Variants in CKM observed in about 807,000 individuals in gnomAD.
The protein encoded by CKM is creatine kinase, M-type.
A neutral mutation model predicts 35.4 loss-of-function variants in CKM; 28 were observed. The ratio of observed to expected loss-of-function variants is 0.79; its 90% CI spans 0.59 to 1.08. CKM has a LOEUF of 1.08. Ranked by LOEUF, CKM falls within the 50% of genes least tolerant of loss-of-function variation. The probability of loss-of-function intolerance (pLI) is 0.00; values close to 1 mark genes in which losing one functional copy is unlikely to be tolerated. For synonymous variants in CKM, 215 were observed against 204.4 expected, an observed-to-expected ratio of 1.05 and a Z score of -0.44; for missense variants, 484 against 509.8, an observed-to-expected ratio of 0.95 and a Z score of 0.49.
At position 45,308,402 on chromosome 19, in the gene CKM, C is replaced by G. The variant is rs980554996; in HGVS notation, c.777+7G>C. ...TCAGAAGTCAGCAGCTAAGGGCAGA[C>G]ACCCACCTTCTGCAGCCCTACGCAG... On this transcript the variant is annotated splice_region_variant and intron_variant, in intron 6 of 7. Coordinates refer to ENST00000221476, the MANE Select transcript of CKM (RefSeq NM_001824.5). The G allele has an allele frequency of 6.2e-7, 1 of 1,614,106 alleles. No homozygotes were observed. Among genetic ancestry groups the G allele is most frequent in the African/African-American group, 1.3e-5 (1 of 75,036 alleles).
rs1021553450 is a variant in CKM, at chr19:45,314,459, G to A, written c.481+1006C>T. On this transcript the variant is annotated intron_variant, in intron 4 of 7. Coordinates refer to ENST00000221476, the MANE Select transcript of CKM (RefSeq NM_001824.5). ...GATGGAGTCACACTCTGTCCCCCAG[G>A]CTGGAGTGCAGTGGCGTGATCTCAG... Among the ~76,000 whole-genome samples, 3 of 152,138 alleles carry A rather than the reference G, an allele frequency of 2.0e-5. No individual in the cohort carries two copies. In the East Asian group the frequency reaches 5.8e-4, roughly 29 times the overall value.
chr19:45,320,907 A>C (rs1248279994), intron 1 of CKM, among the ~76,000 whole-genome samples: 1 of 151,404 alleles, frequency 6.6e-6, no homozygotes, highest in Non-Finnish European at 1.5e-5. Context: ...TATTATTATT[A>C]TTATTATGTT....
At chr19:45,313,250 G>A (rs1454091770) in intron 4 of CKM, among the ~76,000 whole-genome samples, 1 of 152,106 alleles carries the variant, frequency 6.6e-6, no homozygotes, top group South Asian at 2.1e-4. Flanking sequence ...TCACAGTACT[G>A]CAGACTTTCT....
Position 45,315,504 on chromosome 19 carries a change from G to C in CKM, c.442C>G (p.Arg148Gly). Reference sequence around the variant, plus strand: ...TTCTCCACCGCCCGGCGCTCGCCACGGGAGCAGTGTGGGGGCAACGTGTAG... The same window carrying C: ...TTCTCCACCGCCCGGCGCTCGCCACCGGAGCAGTGTGGGGGCAACGTGTAG... Reference protein sequence around the residue: ...KGYTLPPHCSRGERRAVEKLS... With the variant: ...KGYTLPPHCSGGERRAVEKLS... Residue 148 changes from arginine (R) to glycine (G), a missense_variant, in exon 4 of 8, where the codon CGT (arginine) becomes GGT (glycine). Transcript: ENST00000221476. 6.2e-7 allele frequency: 1 copy of C among 1,600,392 alleles called. No homozygotes were observed. The highest frequency in any genetic ancestry group is 8.5e-7 in the Non-Finnish European group (1 of 1,179,874).
At chr19:45,307,777 G>A in intron 6 of CKM, 127 bp from the exon 7 acceptor site, 1 of 728,806 alleles carries the variant, frequency 1.4e-6, no homozygotes, top group Non-Finnish European at 2.3e-6. Flanking sequence ...AGGGGAACAG[G>A]GAGGTAGGAG....
Position 45,308,177 on chromosome 19 carries a change from C to A in CKM, c.777+232G>T, listed in dbSNP as rs548004291. On this transcript the variant is annotated intron_variant, in intron 6 of 7. Transcript: ENST00000221476. Reference sequence around the variant, plus strand: ...CTCCCGGCCTGAAGGCGGATCCTTACGGGCGGGGCTTGGGCATAGGGTGGA... The same window carrying A: ...CTCCCGGCCTGAAGGCGGATCCTTAAGGGCGGGGCTTGGGCATAGGGTGGA... Among the ~76,000 whole-genome samples the A allele has an allele frequency of 7.6e-5, 10 of 132,262 alleles. No homozygotes were observed. The South Asian group carries it at 2.5e-3, about 33-fold the overall frequency. 86.8% of individuals were successfully genotyped at this position (132,262 alleles called of 152,430 possible).
rs1568508454 is a variant in CKM, at chr19:45,306,814, A to G, written c.1082T>C (p.Val361Ala). 3.7e-6 allele frequency: 6 copies of G among 1,614,132 alleles called. No homozygotes were observed. The highest frequency in any genetic ancestry group is 5.1e-6 in the Non-Finnish European group (6 of 1,180,014). ...QLVVDGVKLM[V>A]EMEKKLEKGQ... Reference sequence around the variant, plus strand: ...TTTCTCCAACTTCTTCTCCATTTCCACCATGAGCTTCACACCATCCACCAC... The same window carrying G: ...TTTCTCCAACTTCTTCTCCATTTCCGCCATGAGCTTCACACCATCCACCAC... The change falls in exon 8 of 8, where the codon GTG becomes GCG. Residue 361 changes from valine (V) to alanine (A), a missense_variant. Val to Ala is a moderately conservative substitution (Grantham distance 64, BLOSUM62 0). Coordinates refer to ENST00000221476, the MANE Select transcript of CKM (RefSeq NM_001824.5). The surrounding 1 kb of genome is among the most constrained non-coding windows in gnomAD (Gnocchi z 4.5).
Position 45,319,541 on chromosome 19 carries a change from T to C in CKM, c.173A>G (p.Gln58Arg). 6.2e-7 allele frequency: 1 copy of C among 1,614,088 alleles called. No homozygotes were observed. Among genetic ancestry groups the C allele is most frequent in the Non-Finnish European group, 8.5e-7 (1 of 1,179,996 alleles). ...PSGFTVDDVI[Q>R]TGVDNPGHPF... is the part of the protein sequence containing the mutation. ...CTCACCTGGGTTGTCCACTCCTGTCTGGATGACATCGTCTACAGTGAAGCC... is the reference window on the plus strand; with the variant it reads ...CTCACCTGGGTTGTCCACTCCTGTCCGGATGACATCGTCTACAGTGAAGCC... Residue 58 changes from glutamine to arginine, a missense_variant, in exon 2 of 8, where the codon CAG (glutamine) becomes CGG (arginine). Physicochemically the swap from Gln to Arg is conservative, Grantham distance 43. Transcript: ENST00000221476.
At chr19:45,316,263 G>A (rs2123141314) in intron 3 of CKM, among the ~76,000 whole-genome samples, 1 of 151,688 alleles carries the variant, frequency 6.6e-6, no homozygotes, top group South Asian at 2.1e-4. Flanking sequence ...CTGGGGATCA[G>A]GGGTTTCCGT....
chr19:45,318,222 A>G (rs574168539), intron 2 of CKM, among the ~76,000 whole-genome samples: 1 of 152,256 alleles, frequency 6.6e-6, no homozygotes, highest in Non-Finnish European at 1.5e-5. Context: ...AGCCTGGCCA[A>G]CAGGGTGAAA....
At chr19:45,315,937 G>T (rs1971154338) in intron 3 of CKM, among the ~76,000 whole-genome samples, 1 of 148,398 alleles carries the variant, frequency 6.7e-6, no homozygotes, top group Non-Finnish European at 1.5e-5. Flanking sequence ...TCAAACTCCT[G>T]GGCTCAAGCA....
At position 45,308,520 on chromosome 19, in the gene CKM, G is replaced by C; in HGVS notation, c.666C>G (p.Asn222Lys). ...CGTTCACCCACACCAGGAAGCTCTTGTTGTCATTGTGCCTAGAGTAAGGTG... is the reference window on the plus strand; with the variant it reads ...CGTTCACCCACACCAGGAAGCTCTTCTTGTCATTGTGCCTAGAGTAAGGTG... ...PDARGIWHND[N>K]KSFLVWVNEE... The change falls in exon 6 of 8, where the codon AAC becomes AAG. Residue 222 changes from asparagine (N) to lysine (K), a missense_variant. Physicochemically the swap from Asn to Lys is moderately conservative, Grantham distance 94 (BLOSUM62 0). Coordinates refer to ENST00000221476, the MANE Select transcript of CKM (RefSeq NM_001824.5). 10 of 1,614,020 alleles carry C rather than the reference G, an allele frequency of 6.2e-6. No individual in the cohort carries two copies. The highest frequency in any genetic ancestry group is 8.5e-6 in the Non-Finnish European group (10 of 1,179,936).
At position 45,322,859 on chromosome 19, in the gene CKM, G is replaced by A. The variant is rs1971226064; in HGVS notation, c.-57C>T. On this transcript the variant is annotated 5_prime_UTR_variant, in exon 1 of 8. Transcript: ENST00000221476. ...GCTGAAGGGGGGCTGTCTGTATCCT[G>A]GAGGTGACACTGACCCAAAGGAAGG... 2 of 986,136 alleles carry A rather than the reference G, an allele frequency of 2.0e-6. No individual in the cohort carries two copies. Among genetic ancestry groups the A allele is most frequent in the Non-Finnish European group, 2.4e-6 (2 of 830,530 alleles). The allele number at this position is 986,136 out of a possible 1,614,324, so 61.1% of individuals were successfully genotyped here.
At chr19:45,315,849 C>CTTTTTTTCTTTT (rs1971152667) in intron 3 of CKM, among the ~76,000 whole-genome samples, 1 of 135,624 alleles carries the variant, frequency 7.4e-6, no homozygotes, top group Admixed American at 7.4e-5. Context: ...ATTTCTTTTC[C>CTTTTTTTCTTTT]TTTTTTTTCT....
chr19:45,317,721 C>CTCTGTG (rs1971172157), intron 3 of CKM, 104 bp downstream of exon 3: 4 of 1,295,872 alleles, frequency 3.1e-6, no homozygotes, highest in Non-Finnish European at 3.3e-6. Flanking sequence ...TTCTCCACAC[C>CTCTGTG]TCTGTGTCTC....
chr19:45,317,786 C>T (rs1341151415), intron 3 of CKM, 39 bp downstream of exon 3: 6 of 1,611,810 alleles, frequency 3.7e-6, no homozygotes, highest in Non-Finnish European at 5.1e-6. Context: ...TCTCTCTCCT[C>T]CTCACCCCTC....
At chr19:45,315,428 G>A in intron 4 of CKM, 37 bp downstream of exon 4, 1 of 1,592,764 alleles carries the variant, frequency 6.3e-7, no homozygotes, top group Non-Finnish European at 8.5e-7. Flanking sequence ...AGCCAGGGCT[G>A]GGTGACCCCA....
chr19:45,315,432 G>A (rs745960064), intron 4 of CKM, 33 bp downstream of exon 4: 2 of 1,592,814 alleles, frequency 1.3e-6, no homozygotes, highest in African/African-American at 1.3e-5. Context: ...AGGGCTGGGT[G>A]ACCCCAGCAG....
At chr19:45,308,829 C>T (rs1300348253) in intron 5 of CKM, among the ~76,000 whole-genome samples, 1 of 152,144 alleles carries the variant, frequency 6.6e-6, no homozygotes, top group African/African-American at 2.4e-5. Context: ...GGGATCAGAA[C>T]TGATAACACT....
Sources: gnomAD v4.1 joint callset for allele counts (sites outside exome capture counted in the v4.1 genomes callset) on GRCh38, gnomAD v4.1.1 for gene constraint, Gnocchi (gnomAD v3.1) non-coding constraint, MANE v1.5 for transcripts, NCBI Gene and HGNC (gene_info 2026-07-23, HGNC 2026-07-21) for gene names.